The following CAST variants were observed in gnomAD, a reference collection of about 807,000 sequenced individuals.
CAST encodes the protein calpastatin, also known as MIR583 host.
CAST carries 76 observed loss-of-function variants against 119.6 expected under a neutral mutation model. The observed-to-expected ratio is 0.64, with a 90% CI of 0.53 to 0.77. CAST has a LOEUF of 0.77. Among genes scored for constraint, CAST ranks in the 30% least tolerant of loss-of-function variants. The probability of loss-of-function intolerance (pLI) is 0.00; values close to 1 mark genes in which losing one functional copy is unlikely to be tolerated. For synonymous variants in CAST, 319 were observed against 331.6 expected (o/e 0.96, Z 0.41); for missense variants, 953 against 946.5 (o/e 1.01, Z -0.09).
chr5:96,491,486 A>G, the CAST span, among the ~76,000 whole-genome samples: 90,354 of 106,350 alleles, frequency 0.85, 38,252 homozygotes, highest in Non-Finnish European at 0.92. Flanking sequence ...GCGAGACTCC[A>G]TCTCAAAAAA....
At chr5:96,042,298 A>T in the CAST span, among the ~76,000 whole-genome samples, 8 of 152,220 alleles carry the variant, frequency 5.3e-5, no homozygotes, top group African/African-American at 1.9e-4. Context: ...GAGGGTCTTA[A>T]GTCAGTTTGA....
At chr5:96,026,248 G>C in the CAST span, among the ~76,000 whole-genome samples, 1 of 152,096 alleles carries the variant, frequency 6.6e-6, no homozygotes, top group Non-Finnish European at 1.5e-5. Context: ...CAGAGTGGCT[G>C]AAAGTGTAGA....
the CAST span, among the ~76,000 whole-genome samples, chr5:96,047,135 G>A: frequency 6.6e-6 from 1 of 152,098 alleles, no homozygotes; most frequent in Non-Finnish European, 1.5e-5. Flanking sequence ...CAGACATATC[G>A]ACAAACTGCA....
chr5:96,352,017 C>T, the CAST span, among the ~76,000 whole-genome samples: 1 of 152,148 alleles, frequency 6.6e-6, no homozygotes, highest in Admixed American at 6.6e-5. Flanking sequence ...GAGTGTACCT[C>T]ACCATACAGT....
chr5:96,399,057 G>A, the CAST span: 1 of 1,575,196 alleles, frequency 6.3e-7, no homozygotes, highest in Non-Finnish European at 8.7e-7. Flanking sequence ...TAAAGAATCA[G>A]CATTGAATAA....
the CAST span, among the ~76,000 whole-genome samples, chr5:96,109,768 G>A: frequency 3.9e-5 from 6 of 152,072 alleles, no homozygotes; most frequent in South Asian, 2.1e-4. Context: ...ATGCAGAAGC[G>A]GTAGAGTAGT....
the CAST span, among the ~76,000 whole-genome samples, chr5:96,349,710 G>A: frequency 8.0e-3 from 1,224 of 152,300 alleles, 7 homozygotes; most frequent in Non-Finnish European, 0.012. Context: ...TGTAGTTGTT[G>A]AGGAAAGGGT....
At chr5:96,234,870 A>G in the CAST span, among the ~76,000 whole-genome samples, 3 of 151,960 alleles carry the variant, frequency 2.0e-5, no homozygotes, top group African/African-American at 7.3e-5. Context: ...TATAATTTAC[A>G]TAAAATAAAT....
the CAST span, among the ~76,000 whole-genome samples, chr5:96,157,893 C>G: frequency 3.9e-4 from 59 of 152,268 alleles, no homozygotes; most frequent in African/African-American, 1.4e-3. Flanking sequence ...TAGGGCTTAG[C>G]AGTGGTAATA....
intron 1 of CAST, among the ~76,000 whole-genome samples, chr5:96,572,174 C>T (rs138206670): frequency 1.9e-4 from 28 of 151,318 alleles, no homozygotes; most frequent in African/African-American, 6.3e-4. Context: ...AGGATTTGAA[C>T]GTGGCTCTTT....
intron 1 of CAST, among the ~76,000 whole-genome samples, chr5:96,589,671 T>C (rs1464370271): frequency 6.6e-6 from 1 of 152,226 alleles, no homozygotes. Context: ...TTGTTAAAGT[T>C]GAGTGATTCC....
the CAST span, among the ~76,000 whole-genome samples, chr5:96,361,249 G>T: frequency 6.6e-6 from 1 of 152,184 alleles, no homozygotes; most frequent in African/African-American, 2.4e-5. Context: ...CAAGCCAGTG[G>T]ATCTTAGCTT....
intron 15 of CAST, 35 bp from the exon 16 acceptor site, chr5:96,742,620 C>CT (rs1762921876): frequency 4.4e-6 from 6 of 1,366,356 alleles, no homozygotes; most frequent in East Asian, 2.3e-5. Flanking sequence ...CCAGAGATGT[C>CT]TTTTTTCATG....
the CAST span, among the ~76,000 whole-genome samples, chr5:96,016,166 A>G: frequency 6.6e-6 from 1 of 152,334 alleles, no homozygotes; most frequent in East Asian, 1.9e-4. Context: ...GCCTATCCCA[A>G]GGACTTCATA....
chr5:96,459,729 TTTAC>T, the CAST span, among the ~76,000 whole-genome samples: 1 of 152,162 alleles, frequency 6.6e-6, no homozygotes, highest in Non-Finnish European at 1.5e-5. Context: ...AACACCTGCT[TTTAC>T]TTAATTCTGG....
chr5:96,640,433 A>G (rs1397412943), intron 1 of CAST, among the ~76,000 whole-genome samples: 1 of 152,232 alleles, frequency 6.6e-6, no homozygotes, highest in Non-Finnish European at 1.5e-5. Flanking sequence ...GCCCTCAGGA[A>G]TATTTCTCAA....
At chr5:96,636,100 T>A (rs1747881228) in intron 1 of CAST, among the ~76,000 whole-genome samples, 1 of 152,190 alleles carries the variant, frequency 6.6e-6, no homozygotes, top group Non-Finnish European at 1.5e-5. Context: ...ACCAACCTCA[T>A]AAGTTTGCTG....
the CAST span, among the ~76,000 whole-genome samples, chr5:96,065,914 C>A: frequency 6.6e-6 from 1 of 152,090 alleles, no homozygotes; most frequent in Non-Finnish European, 1.5e-5. Flanking sequence ...AAGTTTCCAA[C>A]AATTGAAGGG....
chr5:96,728,836 T>C (rs911394818), intron 6 of CAST: 3 of 231,814 alleles, frequency 1.3e-5, no homozygotes, highest in African/African-American at 4.6e-5. Context: ...ACATGGCTCA[T>C]GTGTTATCTG....
Sources: gnomAD v4.1 joint callset for allele counts (sites outside exome capture counted in the v4.1 genomes callset) on GRCh38, gnomAD v4.1.1 for gene constraint, MANE v1.5 for transcripts, NCBI Gene and HGNC (gene_info 2026-07-23, HGNC 2026-07-21) for gene names.